Variants in PCDHA6 observed in about 807,000 individuals in gnomAD.
PCDHA6 encodes protocadherin alpha-6.
Under a neutral mutation model 60.3 loss-of-function variants are expected in PCDHA6, and 55 were observed. The ratio of observed to expected loss-of-function variants is 0.91; its 90% CI spans 0.73 to 1.14. The LOEUF is 1.14. Ranked by LOEUF, PCDHA6 falls within the 50% of genes most tolerant of loss-of-function variation. The pLI, the probability that PCDHA6 is intolerant of heterozygous loss-of-function variation, is 0.00. For synonymous variants in PCDHA6, 652 were observed against 557.9 expected (o/e 1.17, Z -2.38); for missense variants, 1,327 against 1,256.5 (o/e 1.06, Z -0.85).
At chr5:140,892,927 C>G (rs1554185442) in intron 1 of PCDHA6, among the ~76,000 whole-genome samples, 1 of 152,152 alleles carries the variant, frequency 6.6e-6, no homozygotes, top group African/African-American at 2.4e-5. Context: ...CCTTCCCAGC[C>G]TCTGATAAGC....
At chr5:140,971,892 G>T in intron 1 of PCDHA6, among the ~76,000 whole-genome samples, 1 of 151,812 alleles carries the variant, frequency 6.6e-6, no homozygotes, top group African/African-American at 2.4e-5. Context: ...AGCTCAGGGA[G>T]GTTAGGTAAT....
At chr5:140,957,221 C>T (rs1171404836) in intron 1 of PCDHA6, among the ~76,000 whole-genome samples, 3 of 151,984 alleles carry the variant, frequency 2.0e-5, no homozygotes, top group Non-Finnish European at 4.4e-5. Flanking sequence ...AAAAATTTGG[C>T]GAAGCATTTT....
chr5:140,831,360 GTA>G (rs1292764909), intron 1 of PCDHA6: 3 of 103,666 alleles, frequency 2.9e-5, no homozygotes, highest in African/African-American at 1.2e-4. Flanking sequence ...TCACTATTTT[GTA>G]TGTGTGTGTG....
In PCDHA6 at chr5:140,927,525, T is replaced by G. The variant is rs782496581; in HGVS notation, c.2395-51424T>G. ...TTACAGCTCGGGACGGCGGGCTACC[T>G]GCCCGCTCAGGAGACGCACAAGTCA... On this transcript the variant is annotated intron_variant, in intron 1 of 3. Transcript: ENST00000529310. 3.1e-6 allele frequency: 5 copies of G among 1,614,088 alleles called. 1 individual carries two copies. In the South Asian group the frequency reaches 5.5e-5, roughly 18 times the overall value.
intron 1 of PCDHA6, among the ~76,000 whole-genome samples, chr5:140,961,599 G>T (rs1012408317): frequency 6.6e-6 from 1 of 152,062 alleles, no homozygotes; most frequent in African/African-American, 2.4e-5. Context: ...AATGATTCTA[G>T]TAAATGAAAC....
chr5:140,903,020 A>G lies in PCDHA6; in HGVS notation c.2394+72535A>G, dbSNP rs375776888. ...AATTGTGAATTGTGCTGCTATCAAC[A>G]TGGCTTGCACATGTGTCTTTTTCAT... On this transcript the variant is annotated intron_variant, in intron 1 of 3. Coordinates refer to ENST00000529310, the MANE Select transcript of PCDHA6 (RefSeq NM_018909.4). Among the ~76,000 whole-genome samples the G allele has an allele frequency of 2.4e-4, 36 of 152,312 alleles. No homozygotes were observed. In the East Asian group the frequency reaches 6.4e-3, roughly 27 times the overall value.
intron 1 of PCDHA6, among the ~76,000 whole-genome samples, chr5:140,972,866 G>A (rs1010114234): frequency 6.6e-6 from 1 of 152,046 alleles, no homozygotes; most frequent in Non-Finnish European, 1.5e-5. Context: ...GTTTCATCAT[G>A]TTGTCCAGGA....
chr5:140,890,386 A>T (rs905205351), intron 1 of PCDHA6, among the ~76,000 whole-genome samples: 1 of 152,202 alleles, frequency 6.6e-6, no homozygotes, highest in African/African-American at 2.4e-5. Context: ...TCTTTCTTAG[A>T]TAATCTATAA....
rs1174845394 is a variant in PCDHA6, at chr5:140,833,140, TGAAGCAATAC to T, written c.2394+2659_2394+2668del. On this transcript the variant is annotated intron_variant, in intron 1 of 3. Coordinates refer to ENST00000529310, the MANE Select transcript of PCDHA6 (RefSeq NM_018909.4). ...GTCATTTGAAAGCTGTCAAAAAGTG[TGAAGCAATAC>T]GAATAAAAAGTATTAACGGAAGATG... Among the ~76,000 whole-genome samples, 7 of 152,296 alleles carry T rather than the reference TGAAGCAATAC, an allele frequency of 4.6e-5. No individual in the cohort carries two copies. In the East Asian group the frequency reaches 1.3e-3, roughly 29 times the overall value.
chr5:140,897,695 C>T (rs1417139429), intron 1 of PCDHA6, among the ~76,000 whole-genome samples: 12 of 152,090 alleles, frequency 7.9e-5, no homozygotes, highest in South Asian at 4.2e-4. Flanking sequence ...GTCCTTTGGG[C>T]ATATACCCAG....
intron 1 of PCDHA6, among the ~76,000 whole-genome samples, chr5:140,923,219 C>T (rs557006469): frequency 1.3e-5 from 2 of 152,094 alleles, no homozygotes; most frequent in East Asian, 1.9e-4. Context: ...GTGAAAGGAT[C>T]GTTTGAGCCC....
chr5:140,856,542 CA>C (rs2044078032), intron 1 of PCDHA6: 1 of 1,598,136 alleles, frequency 6.3e-7, no homozygotes, highest in Admixed American at 1.7e-5. Context: ...GGAGAGAACG[CA>C]TTGCTTACTT....
At chr5:140,957,781 TTCA>T (rs2095383587) in intron 1 of PCDHA6, among the ~76,000 whole-genome samples, 1 of 152,072 alleles carries the variant, frequency 6.6e-6, no homozygotes, top group African/African-American at 2.4e-5. Context: ...AAAAACTAAG[TTCA>T]TCATATATGT....
rs2150168424 is a variant in PCDHA6 at position 140,829,465 on chromosome 5, C to G, written c.1374C>G (p.Pro458=). 1.2e-6 allele frequency: 2 copies of G among 1,613,822 alleles called. No individual in the cohort carries two copies. The highest frequency in any genetic ancestry group is 1.7e-5 in the Admixed American group (1 of 60,018). The change falls in exon 1 of 4, where the codon CCC becomes CCG. Residue 458 remains proline, a synonymous_variant. Coordinates refer to ENST00000529310, the MANE Select transcript of PCDHA6 (RefSeq NM_018909.4). Reference sequence around the variant, plus strand: ...ACAATGCTCCGGCGTTCGCGCAGCCCGAGTACACAGTGTTCGTGAAGGAGA... The same window carrying G: ...ACAATGCTCCGGCGTTCGCGCAGCCGGAGTACACAGTGTTCGTGAAGGAGA... The part of the protein sequence containing the change: ...MNDNAPAFAQ[P]EYTVFVKENN...
intron 1 of PCDHA6, among the ~76,000 whole-genome samples, chr5:140,933,379 G>A (rs1403607512): frequency 6.6e-6 from 1 of 151,928 alleles, no homozygotes; most frequent in East Asian, 1.9e-4. Flanking sequence ...TTCCTTGGCT[G>A]TTCCTAGAGC....
intron 1 of PCDHA6, among the ~76,000 whole-genome samples, chr5:140,965,785 T>C (rs1315730975): frequency 1.3e-5 from 2 of 152,222 alleles, no homozygotes; most frequent in East Asian, 3.8e-4. Context: ...GCCTACAGCT[T>C]CATGGAGACT....
Position 140,967,085 on chromosome 5 carries a change from C to A in PCDHA6, c.2395-11864C>A, listed in dbSNP as rs155809. On this transcript the variant is annotated intron_variant, in intron 1 of 3. Coordinates refer to ENST00000529310, the MANE Select transcript of PCDHA6 (RefSeq NM_018909.4). ...GCTCTTCGTCAACGAGCGCATTGAT[C>A]GGGAGGCGCTGTGTGAGCAGCGGCC... The A allele has an allele frequency of 3.0e-3, 4,870 of 1,613,198 alleles. 112 individuals are homozygous for A. The African/African-American group carries it at 0.056, about 18-fold the overall frequency.
Position 141,010,353 on chromosome 5 carries a change from G to A in PCDHA6, c.*416G>A. On this transcript the variant is annotated 3_prime_UTR_variant, in exon 4 of 4. Transcript: ENST00000529310. ...AGTTTGTGGCCACTGGGTATGTGTG[G>A]CTACCGCGGGTATGCGAGTGCCAGA... is the stretch of plus-strand genomic sequence containing the variant. 1.3e-6 allele frequency: 2 copies of A among 1,507,486 alleles called. No individual in the cohort carries two copies. Among genetic ancestry groups the A allele is most frequent in the Non-Finnish European group, 1.8e-6 (2 of 1,128,244 alleles). The allele number at this position is 1,507,486 out of a possible 1,614,324, so 93.4% of individuals were successfully genotyped here. A position where few individuals can be genotyped will look rare whatever the true frequency, so the allele number is the denominator to read the frequency against.
chr5:140,905,120 G>T (rs1191513318), intron 1 of PCDHA6, among the ~76,000 whole-genome samples: 3 of 152,214 alleles, frequency 2.0e-5, no homozygotes, highest in African/African-American at 7.2e-5. Flanking sequence ...CTAAGCCAAT[G>T]TCTAGAAGAG....
Sources: gnomAD v4.1 joint callset for allele counts (sites outside exome capture counted in the v4.1 genomes callset) on GRCh38, gnomAD v4.1.1 for gene constraint, MANE v1.5 for transcripts, NCBI Gene and HGNC (gene_info 2026-07-23, HGNC 2026-07-21) for gene names.